Variants in RDX observed in about 807,000 individuals in gnomAD.
RDX encodes radixin.
RDX carries 32 observed loss-of-function variants against 83.7 expected under a neutral mutation model. The observed-to-expected ratio is 0.38, with a 90% CI of 0.29 to 0.51. RDX has a LOEUF of 0.51. Among genes scored for constraint, RDX ranks in the 20% least tolerant of loss-of-function variants. The pLI is 0.87. For missense variants in RDX, 600 were observed against 689.9 expected, an observed-to-expected ratio of 0.87 and a Z score of 1.46; for synonymous variants, 229 against 222.7, an observed-to-expected ratio of 1.03 and a Z score of -0.25.
At chr11:110,198,897 C>G (rs894137500) in intron 15 of RDX, among the ~76,000 whole-genome samples, 2 of 151,646 alleles carry the variant, frequency 1.3e-5, no homozygotes, top group Admixed American at 6.6e-5. Context: ...CTCACTGCAA[C>G]CTGTGCCTCC....
At chr11:110,189,538 T>A (rs911834510) in intron 15 of RDX, among the ~76,000 whole-genome samples, 2 of 152,148 alleles carry the variant, frequency 1.3e-5, no homozygotes, top group Non-Finnish European at 2.9e-5. Context: ...ATTCTACCCA[T>A]CAGTCACAGA....
At chr11:110,233,120 C>T in intron 13 of RDX, 117 bp downstream of exon 13, 2 of 1,285,974 alleles carry the variant, frequency 1.6e-6, no homozygotes, top group South Asian at 1.2e-5. Flanking sequence ...CACCCACAAA[C>T]CAATCACAAG....
intron 14 of RDX, among the ~76,000 whole-genome samples, chr11:110,206,256 C>A (rs78431906): frequency 1.6e-3 from 173 of 110,146 alleles, no homozygotes; most frequent in South Asian, 2.9e-3. Flanking sequence ...GAGTCCATCT[C>A]AAAAAAAAAA....
intron 9 of RDX, among the ~76,000 whole-genome samples, chr11:110,252,343 T>C (rs1859369368): frequency 6.6e-6 from 1 of 152,188 alleles, no homozygotes; most frequent in South Asian, 2.1e-4. Flanking sequence ...ATACTACCTG[T>C]ACTAGAAGCA....
chr11:110,218,359 AGATT>A (rs1377500365), intron 14 of RDX, among the ~76,000 whole-genome samples: 1 of 152,208 alleles, frequency 6.6e-6, no homozygotes, highest in African/African-American at 2.4e-5. Flanking sequence ...ACATCGTAAT[AGATT>A]TTTTTCCCCA....
chr11:110,185,173 GGCTGATGTACA>G (rs1463916524), intron 15 of RDX: 1 of 152,242 alleles, frequency 6.6e-6, no homozygotes, highest in African/African-American at 2.4e-5. Context: ...GCAATTTCAG[GGCTGATGTACA>G]GCTGCTGTTG....
At position 110,236,117 on chromosome 11, in the gene RDX, A is replaced by G; in HGVS notation, c.1326T>C (p.Ala442=). The G allele has an allele frequency of 6.2e-7, 1 of 1,611,522 alleles. No homozygotes were observed. Residue 442 remains alanine (A), a synonymous_variant, in exon 12 of 14, where the codon GCT becomes GCC. Coordinates refer to ENST00000645495, the MANE Select transcript of RDX (RefSeq NM_002906.4). ...TGATTACTTTGTGTTGCCACTCAGT[A>G]GCTTCCTCTTCCTTTTTCTTCTTGG... The part of the protein sequence containing the change: ...EEAKKKKEEE[A]TEWQHKAFAA...
At chr11:110,267,565 C>CACAA (rs3138554) in intron 3 of RDX, among the ~76,000 whole-genome samples, 3 of 140,770 alleles carry the variant, frequency 2.1e-5, no homozygotes, top group South Asian at 2.3e-4. Flanking sequence ...CACACACACA[C>CACAA]AAATAATCTT....
chr11:110,235,691 A>G (rs1240310420), intron 12 of RDX, among the ~76,000 whole-genome samples: 1 of 152,202 alleles, frequency 6.6e-6, no homozygotes, highest in Non-Finnish European at 1.5e-5. Context: ...TCTGAACAAC[A>G]CTAAGCCTCG....
chr11:110,187,262 C>T (rs1018458989), intron 15 of RDX, among the ~76,000 whole-genome samples: 2 of 152,134 alleles, frequency 1.3e-5, no homozygotes, highest in African/African-American at 2.4e-5. Context: ...CTTGGTGTAG[C>T]GGGGCCCTCT....
At chr11:110,248,777 C>T (rs907053054) in intron 9 of RDX, among the ~76,000 whole-genome samples, 4 of 152,106 alleles carry the variant, frequency 2.6e-5, no homozygotes, top group African/African-American at 9.7e-5. Flanking sequence ...CAAACAAAGG[C>T]ATGTATCTTA....
downstream of RDX, chr11:110,229,304 A>C (rs1464705960): frequency 6.6e-6 from 1 of 152,284 alleles, no homozygotes; most frequent in Non-Finnish European, 1.5e-5. Context: ...GTATCGGGGA[A>C]AGAGTAGATC....
chr11:110,254,483 C>T lies in RDX; in HGVS notation c.796-374G>A, dbSNP rs922382174. The stretch of plus-strand genomic sequence containing the variant: ...GAGTTTTTTTTAACCTAGAATTGTT[C>T]TTTTTTTTTTTTGAGACGGAGTCTT... On this transcript the variant is annotated intron_variant, in intron 8 of 13. Coordinates refer to ENST00000645495, the MANE Select transcript of RDX (RefSeq NM_002906.4). Among the ~76,000 whole-genome samples, 16 of 144,542 alleles carry T rather than the reference C, an allele frequency of 1.1e-4. No homozygotes were observed. The South Asian group carries it at 2.4e-3, about 22-fold the overall frequency. 94.8% of individuals were successfully genotyped at this position (144,542 alleles called of 152,430 possible).
chr11:110,295,759 T>C (rs1426154189), intron 1 of RDX, among the ~76,000 whole-genome samples: 3 of 152,106 alleles, frequency 2.0e-5, no homozygotes, highest in African/African-American at 4.8e-5. Flanking sequence ...TGGTGGGGTC[T>C]GAGACACTAA....
intron 15 of RDX, among the ~76,000 whole-genome samples, chr11:110,187,748 C>A (rs529468159): frequency 6.6e-6 from 1 of 152,378 alleles, no homozygotes; most frequent in South Asian, 2.1e-4. Flanking sequence ...GTCCTGTCCA[C>A]CCACCCATCT....
At chr11:110,219,257 A>G (rs553767843) in intron 14 of RDX, among the ~76,000 whole-genome samples, 1 of 152,316 alleles carries the variant, frequency 6.6e-6, no homozygotes, top group East Asian at 1.9e-4. Flanking sequence ...GCTTTAAAGA[A>G]TAACAAGGAA....
chr11:110,191,949 T>C (rs1315431721), intron 15 of RDX, among the ~76,000 whole-genome samples: 4 of 152,218 alleles, frequency 2.6e-5, no homozygotes, highest in African/African-American at 9.6e-5. Flanking sequence ...ATTATTAAAA[T>C]GGCCATACTG....
intron 9 of RDX, among the ~76,000 whole-genome samples, chr11:110,251,473 T>C (rs936144950): frequency 6.6e-6 from 1 of 152,198 alleles, no homozygotes; most frequent in Non-Finnish European, 1.5e-5. Flanking sequence ...ATTATTTTCA[T>C]AGTAAGAGCA....
chr11:110,246,555 A>G (rs1330570428), intron 10 of RDX, among the ~76,000 whole-genome samples: 1 of 152,066 alleles, frequency 6.6e-6, no homozygotes, highest in Non-Finnish European at 1.5e-5. Context: ...CGGGTGGATC[A>G]CTTGAAGTCA....
Sources: allele counts gnomAD v4.1 joint callset (sites outside exome capture counted in the v4.1 genomes callset), GRCh38; gene constraint gnomAD v4.1.1; transcripts MANE v1.5; gene names NCBI Gene and HGNC (gene_info 2026-07-23, HGNC 2026-07-21).